The following ADAMTS13 variants were observed in gnomAD, a reference collection of about 807,000 sequenced individuals.
The protein encoded by ADAMTS13 is ADAM metallopeptidase with thrombospondin type 1 motif 13.
ADAMTS13 carries 110 observed loss-of-function variants against 155.1 expected under a neutral mutation model. The ratio of observed to expected loss-of-function variants is 0.71; its 90% CI spans 0.61 to 0.83. The LOEUF (loss-of-function observed/expected upper bound fraction) is 0.83, where lower values mean the gene tolerates loss of function less well. Among genes scored for constraint, ADAMTS13 ranks in the 40% least tolerant of loss-of-function variants. ADAMTS13 has a pLI of 0.00. For missense variants in ADAMTS13, 1,707 were observed against 1,891.7 expected, an observed-to-expected ratio of 0.90 and a Z score of 1.81; for synonymous variants, 758 against 756.4, an observed-to-expected ratio of 1.00 and a Z score of -0.03.
intron 11 of ADAMTS13, 24 bp downstream of exon 11, chr9:133,433,728 AG>A: frequency 1.2e-6 from 2 of 1,610,958 alleles, no homozygotes; most frequent in Non-Finnish European, 8.5e-7. Context: ...CTGGGGTAGG[AG>A]GGGGCAGCTG....
At chr9:133,417,928 GCCCA>G (rs1839773997), upstream of ADAMTS13, 2 of 1,341,708 alleles carry the variant, frequency 1.5e-6, no homozygotes, top group African/African-American at 2.9e-5. Flanking sequence ...ACAAGCGCCT[GCCCA>G]GGCCAGGCCG....
chr9:133,437,755 C>G lies in ADAMTS13; in HGVS notation c.1442C>G (p.Ala481Gly). 1.2e-6 allele frequency: 2 copies of G among 1,613,846 alleles called. No individual in the cohort carries two copies. Among genetic ancestry groups the G allele is most frequent in the Non-Finnish European group, 8.5e-7 (1 of 1,180,040 alleles). The change falls in exon 13 of 29, where the codon GCT (alanine) becomes GGT (glycine). Residue 481 changes from alanine (A) to glycine (G), a missense_variant. By Grantham distance (60) the Ala-to-Gly change is moderately conservative. Coordinates refer to ENST00000355699, the MANE Select transcript of ADAMTS13 (RefSeq NM_139027.6). ...GAAVPHSQGDALCRHMCRAIG... is the reference protein window; with the variant it reads ...GAAVPHSQGDGLCRHMCRAIG... ...TTTCACTCTGCCCTCCCAGGGGATG[C>G]TCTGTGCAGACACATGTGCCGGGCC...
At chr9:133,427,125 A>G (rs1840338713) in intron 6 of ADAMTS13, among the ~76,000 whole-genome samples, 1 of 152,160 alleles carries the variant, frequency 6.6e-6, no homozygotes, top group South Asian at 2.1e-4. Flanking sequence ...TCCTAGGGTA[A>G]GTGCAGGATT....
intron 1 of ADAMTS13, chr9:133,415,069 T>G: frequency 7.0e-7 from 1 of 1,425,328 alleles, no homozygotes; most frequent in South Asian, 1.4e-5. Flanking sequence ...ACACAGCAGA[T>G]TGAAAAAACT....
intron 19 of ADAMTS13, 29 bp from the exon 20 acceptor site, chr9:133,444,834 G>T (rs1554791974): frequency 6.2e-7 from 1 of 1,610,476 alleles, no homozygotes; most frequent in Non-Finnish European, 8.5e-7. Context: ...CAGAGGCAGG[G>T]CCTGATGACT....
At chr9:133,451,894 C>CAAAAAAAA (rs34716768) in intron 23 of ADAMTS13, among the ~76,000 whole-genome samples, 1 of 79,522 alleles carries the variant, frequency 1.3e-5, no homozygotes, top group Non-Finnish European at 2.2e-5. Flanking sequence ...GACCCTGTCT[C>CAAAAAAAA]AAAAAAAAAA....
rs1554791542 is a variant in ADAMTS13, at chr9:133,443,484, C to T, written c.2343C>T (p.Pro781=). 1.3e-6 allele frequency: 2 copies of T among 1,589,476 alleles called. 1 individual carries two copies. Among genetic ancestry groups the T allele is most frequent in the East Asian group, 4.6e-5 (2 of 43,836 alleles). The change falls in exon 19 of 29, where the codon CCC becomes CCT. Residue 781 remains proline, a synonymous_variant. Coordinates refer to ENST00000355699, the MANE Select transcript of ADAMTS13 (RefSeq NM_139027.6). The part of the protein sequence containing the change: ...EAQGSLLKTL[P]PARCRAGAQQ... The stretch of plus-strand genomic sequence containing the variant: ...AGGGCAGCCTCCTGAAGACATTGCC[C>T]CCAGCCCGGTGCAGAGCAGGGGCCC...
chr9:133,426,286 C>G lies in ADAMTS13; in HGVS notation c.627C>G (p.Leu209=), dbSNP rs143035878. ...CCTGCTCCCCAACCTGGAGCTGCCTCATTACCGAGGACACTGGCTTCGACC... is the reference window on the plus strand; with the variant it reads ...CCTGCTCCCCAACCTGGAGCTGCCTGATTACCGAGGACACTGGCTTCGACC... ...GGACSPTWSC[L]ITEDTGFDLG... Residue 209 remains leucine (L), a synonymous_variant, in exon 6 of 29, where the codon CTC becomes CTG. Coordinates refer to ENST00000355699, the MANE Select transcript of ADAMTS13 (RefSeq NM_139027.6). The G allele has an allele frequency of 5.6e-6, 9 of 1,609,874 alleles. No individual in the cohort carries two copies. In the African/African-American group the frequency reaches 1.2e-4, roughly 21 times the overall value.
chr9:133,417,911 T>C, upstream of ADAMTS13: 1 of 1,478,820 alleles, frequency 6.8e-7, no homozygotes, highest in Non-Finnish European at 9.1e-7. Flanking sequence ...CCCGGCGCCC[T>C]GGCAGCACAA....
At chr9:133,439,585 A>G in intron 15 of ADAMTS13, 139 bp downstream of exon 15, 2 of 769,844 alleles carry the variant, frequency 2.6e-6, no homozygotes, top group South Asian at 1.4e-5. Context: ...ATAGTTGACT[A>G]GGAAGACTCC....
At chr9:133,414,807 C>T (rs370869145) in intron 1 of ADAMTS13, 2 of 1,614,234 alleles carry the variant, frequency 1.2e-6, no homozygotes, top group East Asian at 2.2e-5. Flanking sequence ...GTGCGAGGTA[C>T]TGGCGCCCTC....
intron 27 of ADAMTS13, chr9:133,457,093 G>A (rs934375848): frequency 5.4e-6 from 2 of 372,516 alleles, no homozygotes; most frequent in Admixed American, 7.7e-5. Flanking sequence ...TCAGTGCACT[G>A]GTGTAAGCAG....
chr9:133,429,599 ACACCCCTATCTCCCC>A (rs1211451076), intron 7 of ADAMTS13: 2 of 232,986 alleles, frequency 8.6e-6, no homozygotes, highest in African/African-American at 7.9e-5. Context: ...CATCAGTCCC[ACACCCCTATCTCCCC>A]CACCCGCGTA....
Position 133,456,236 on chromosome 9 carries a change from G to A in ADAMTS13, c.3547+21G>A, listed in dbSNP as rs782539733. On this transcript the variant is annotated intron_variant, in intron 26 of 28. Coordinates refer to ENST00000355699, the MANE Select transcript of ADAMTS13 (RefSeq NM_139027.6). This position sits in a 1 kb window ranked among gnomAD's most constrained non-coding sequence, Gnocchi z 4.4. ...TGCGGGTATGTCTAGGGCCATGCAA[G>A]CGATGCTGCCAGTTATGGGCCCTGC... 7 of 1,613,252 alleles carry A rather than the reference G, an allele frequency of 4.3e-6. No homozygotes were observed. Among genetic ancestry groups the A allele is most frequent in the African/African-American group, 4.0e-5 (3 of 75,066 alleles).
At chr9:133,415,685 T>C (rs1349806588) in intron 1 of ADAMTS13, 3 of 152,228 alleles carry the variant, frequency 2.0e-5, no homozygotes, top group Admixed American at 6.5e-5. Context: ...GGTAAAGAAC[T>C]GAAGGGCTGA....
chr9:133,455,567 C>T, intron 25 of ADAMTS13, 132 bp downstream of exon 25: 1 of 1,607,392 alleles, frequency 6.2e-7, no homozygotes, highest in Non-Finnish European at 8.5e-7. Context: ...GCCTCGGCGG[C>T]TCCTGCCCGG....
rs146394542 is a variant in ADAMTS13, at chr9:133,423,130, C to A, written c.135C>A (p.Ala45=). Residue 45 remains alanine, a synonymous_variant, in exon 2 of 29, where the codon GCC becomes GCA. Transcript: ENST00000355699. ...GTCTTCAGGCTTTGGAGCCACAGGC[C>A]GTGTCTTCTTACTTGAGCCCTGGTG... ...QSCLQALEPQ[A]VSSYLSPGAP... is the part of the protein sequence containing the mutation. 31 of 1,613,742 alleles carry A rather than the reference C, an allele frequency of 1.9e-5. No homozygotes were observed. Among genetic ancestry groups the A allele is most frequent in the Non-Finnish European group, 2.3e-5 (27 of 1,179,960 alleles).
Position 133,425,191 on chromosome 9 carries a change from GGCAGGCGCCTGTAATCTGAGAGGAGCCT to G in ADAMTS13, c.331-335_331-308del, listed in dbSNP as rs1160271626. On this transcript the variant is annotated intron_variant, in intron 3 of 28. Coordinates refer to ENST00000355699, the MANE Select transcript of ADAMTS13 (RefSeq NM_139027.6). The surrounding 1 kb of genome is among the most constrained non-coding windows in gnomAD (Gnocchi z 4.6). Reference sequence around the variant, plus strand: ...AATACAAAACTTAGCTGGGCATGGTGGCAGGCGCCTGTAATCTGAGAGGAGCCTGCGATCTGAGAGGAGCAGCGTTTGA... The same window carrying G: ...AATACAAAACTTAGCTGGGCATGGTGGCGATCTGAGAGGAGCAGCGTTTGA... Among the ~76,000 whole-genome samples the G allele has an allele frequency of 6.6e-6, 1 of 152,222 alleles. No individual in the cohort carries two copies. The highest frequency in any genetic ancestry group is 1.5e-5 in the Non-Finnish European group (1 of 68,042).
At chr9:133,418,722 T>G (rs1004450588), upstream of ADAMTS13, among the ~76,000 whole-genome samples, 4 of 152,288 alleles carry the variant, frequency 2.6e-5, no homozygotes, top group East Asian at 5.8e-4. Context: ...GGACAGGGAT[T>G]TTCACAATGC....
Sources: allele counts gnomAD v4.1 joint callset (sites outside exome capture counted in the v4.1 genomes callset), GRCh38; gene constraint gnomAD v4.1.1; non-coding constraint Gnocchi (gnomAD v3.1); transcripts MANE v1.5; gene names NCBI Gene and HGNC (gene_info 2026-07-23, HGNC 2026-07-21).